Variants in OPRM1 observed in about 807,000 individuals in gnomAD.
OPRM1 encodes the protein mu-type opioid receptor.
OPRM1 carries 27 observed loss-of-function variants against 31.8 expected under a neutral mutation model. That is an observed-to-expected ratio of 0.85 (90% CI 0.63 to 1.17). The LOEUF (loss-of-function observed/expected upper bound fraction) is 1.17, where lower values mean the gene tolerates loss of function less well. Ranked by LOEUF, OPRM1 falls within the 50% of genes most tolerant of loss-of-function variation. The pLI is 0.00. For synonymous variants in OPRM1, 196 were observed against 189.9 expected, an observed-to-expected ratio of 1.03 and a Z score of -0.26; for missense variants, 536 against 511.1, an observed-to-expected ratio of 1.05 and a Z score of -0.47.
At position 154,080,131 on chromosome 6, in the gene OPRM1, T is replaced by G. The variant is rs1788762825; in HGVS notation, c.291-9695T>G. On this transcript the variant is annotated intron_variant, in intron 1 of 3. Transcript: ENST00000330432. ...GAATTCTCATTTAAATGTTTAAGAT[T>G]GTCACATTTGGGGACATTTCTATCA... Among the ~76,000 whole-genome samples the G allele has an allele frequency of 2.6e-5, 4 of 152,236 alleles. No individual in the cohort carries two copies. In the South Asian group the frequency reaches 8.3e-4, roughly 32 times the overall value.
At chr6:154,046,868 A>G (rs975123916) in intron 1 of OPRM1, 1 of 152,228 alleles carries the variant, frequency 6.6e-6, no homozygotes, top group Non-Finnish European at 1.5e-5. Context: ...AAAATGTCCT[A>G]TGGCAACTTC....
chr6:154,090,257 A>G (rs1791773559), intron 2 of OPRM1, 79 bp downstream of exon 2: 2 of 903,964 alleles, frequency 2.2e-6, no homozygotes, highest in South Asian at 1.5e-5. Context: ...AGCAGTATTT[A>G]TGGAGTGCCC....
intron 3 of OPRM1, among the ~76,000 whole-genome samples, chr6:154,229,230 A>C (rs1779510381): frequency 6.6e-6 from 1 of 152,232 alleles, no homozygotes; most frequent in East Asian, 1.9e-4. Flanking sequence ...GTGTGGAATA[A>C]ATACATGTGA....
chr6:154,095,515 C>G (rs930890442), intron 3 of OPRM1, among the ~76,000 whole-genome samples: 1 of 152,140 alleles, frequency 6.6e-6, no homozygotes, highest in African/African-American at 2.4e-5. Flanking sequence ...TTCCTTTTCT[C>G]CTCCTCAGCC....
chr6:154,023,379 A>G (rs1402820805), intron 1 of OPRM1, among the ~76,000 whole-genome samples: 5 of 152,136 alleles, frequency 3.3e-5, no homozygotes, highest in African/African-American at 1.2e-4. Flanking sequence ...CAGAAGTGCT[A>G]CTGATTTTTG....
At chr6:154,163,881 AAAGATAGG>A in intron 3 of OPRM1, among the ~76,000 whole-genome samples, 1 of 152,220 alleles carries the variant, frequency 6.6e-6, no homozygotes, top group South Asian at 2.1e-4. Flanking sequence ...ATAGATGGAT[AAAGATAGG>A]AATCCTTCCT....
intron 3 of OPRM1, among the ~76,000 whole-genome samples, chr6:154,162,770 G>A (rs1158519366): frequency 6.6e-6 from 1 of 152,100 alleles, no homozygotes; most frequent in African/African-American, 2.4e-5. Flanking sequence ...AGGGTCCCAA[G>A]TTTATATCTC....
intron 3 of OPRM1, among the ~76,000 whole-genome samples, chr6:154,096,121 G>T (rs564837406): frequency 6.6e-6 from 1 of 152,130 alleles, no homozygotes; most frequent in Non-Finnish European, 1.5e-5. Context: ...GCAGTGGTGC[G>T]ATCTCAGCTC....
intron 3 of OPRM1, among the ~76,000 whole-genome samples, chr6:154,179,524 A>G (rs1276888912): frequency 6.6e-6 from 1 of 152,162 alleles, no homozygotes; most frequent in East Asian, 1.9e-4. Flanking sequence ...CTGAAGCAAA[A>G]TAAATGAATT....
intron 1 of OPRM1, among the ~76,000 whole-genome samples, chr6:154,041,770 A>G (rs1464904636): frequency 6.6e-6 from 1 of 150,552 alleles, no homozygotes; most frequent in Non-Finnish European, 1.5e-5. Context: ...GAAGGAAAAA[A>G]GCATGAAACA....
intron 1 of OPRM1, among the ~76,000 whole-genome samples, chr6:154,079,696 A>G (rs1788665865): frequency 6.6e-6 from 1 of 152,232 alleles, no homozygotes; most frequent in African/African-American, 2.4e-5. Flanking sequence ...ATAATCTTTT[A>G]ATTTATCTTT....
chr6:154,245,480 A>C (rs1179972095), intron 3 of OPRM1, among the ~76,000 whole-genome samples: 2 of 152,220 alleles, frequency 1.3e-5, no homozygotes, highest in Non-Finnish European at 2.9e-5. Flanking sequence ...GTGAGCAACG[A>C]AAATTGATTA....
intron 3 of OPRM1, among the ~76,000 whole-genome samples, chr6:154,217,979 A>C (rs1778547544): frequency 6.6e-6 from 1 of 152,234 alleles, no homozygotes; most frequent in Non-Finnish European, 1.5e-5. Flanking sequence ...TAACCTTTTC[A>C]TTACAACCAT....
Position 154,128,029 on chromosome 6 carries a change from T to G in OPRM1, c.*9308T>G, listed in dbSNP as rs73790437. Among the ~76,000 whole-genome samples the G allele has an allele frequency of 2.0e-5, 3 of 152,210 alleles. No homozygotes were observed. Among genetic ancestry groups the G allele is most frequent in the Non-Finnish European group, 2.9e-5 (2 of 68,044 alleles). ...AGGCCTACTCCCCAGCTGAGTACTT[T>G]CCATGCAAGCTACCGCATCTGTATA... On this transcript the variant is annotated 3_prime_UTR_variant, in exon 4 of 4. Coordinates refer to ENST00000330432, the MANE Select transcript of OPRM1 (RefSeq NM_000914.5).
At chr6:154,238,057 C>T (rs1009330339) in intron 3 of OPRM1, among the ~76,000 whole-genome samples, 1 of 152,134 alleles carries the variant, frequency 6.6e-6, no homozygotes, top group African/African-American at 2.4e-5. Flanking sequence ...ATATATAATT[C>T]TTACAGCCAT....
intron 1 of OPRM1, among the ~76,000 whole-genome samples, chr6:154,057,838 C>T (rs1002260618): frequency 3.3e-5 from 5 of 152,058 alleles, no homozygotes; most frequent in East Asian, 1.9e-4. Context: ...CCCTGTCACA[C>T]GAAGACAGGC....
intron 3 of OPRM1, among the ~76,000 whole-genome samples, chr6:154,117,900 A>T (rs917265713): frequency 1.9e-5 from 2 of 107,436 alleles, no homozygotes; most frequent in African/African-American, 6.0e-5. Flanking sequence ...TGAGAGAGAA[A>T]AAAAGAGAGA....
intron 1 of OPRM1, among the ~76,000 whole-genome samples, chr6:154,043,980 A>T (rs1780594352): frequency 6.6e-6 from 1 of 152,104 alleles, no homozygotes; most frequent in Non-Finnish European, 1.5e-5. Flanking sequence ...TTACCAATCA[A>T]CGAGTTTCCT....
intron 3 of OPRM1, among the ~76,000 whole-genome samples, chr6:154,100,169 A>G (rs1219767567): frequency 1.6e-5 from 2 of 128,562 alleles, no homozygotes; most frequent in African/African-American, 3.0e-5. Context: ...GTATCATAAT[A>G]TATATTATCA....
Sources: gnomAD v4.1 joint callset for allele counts (sites outside exome capture counted in the v4.1 genomes callset) on GRCh38, gnomAD v4.1.1 for gene constraint, MANE v1.5 for transcripts, NCBI Gene and HGNC (gene_info 2026-07-23, HGNC 2026-07-21) for gene names.